ESRRB: variants seen among roughly 807,000 people sequenced by gnomAD.
ESRRB encodes the protein steroid hormone receptor ERR2.
Under a neutral mutation model 46.0 loss-of-function variants are expected in ESRRB, and 16 were observed. That is an observed-to-expected ratio of 0.35 (90% CI 0.24 to 0.53). ESRRB has a LOEUF of 0.53. ESRRB is among the 20% of genes least tolerant of loss of function. The pLI, the probability that ESRRB is intolerant of heterozygous loss-of-function variation, is 0.93. For missense variants in ESRRB, 488 were observed against 607.4 expected, an observed-to-expected ratio of 0.80 and a Z score of 2.07; for synonymous variants, 246 against 259.6, an observed-to-expected ratio of 0.95 and a Z score of 0.50.
chr14:76,330,183 T>C (rs1883995916), intron 1 of ESRRB, among the ~76,000 whole-genome samples: 1 of 151,996 alleles, frequency 6.6e-6, no homozygotes, highest in South Asian at 2.1e-4. Flanking sequence ...CTCTGGGATC[T>C]AGGAAGCAGG....
chr14:76,325,213 C>T (rs1057142897), intron 1 of ESRRB, among the ~76,000 whole-genome samples: 2 of 152,166 alleles, frequency 1.3e-5, no homozygotes, highest in Admixed American at 6.5e-5. Context: ...ACCTTGGCCT[C>T]CCAAAGTGCT....
intron 6 of ESRRB, among the ~76,000 whole-genome samples, chr14:76,496,712 G>T (rs1890444725): frequency 6.6e-6 from 1 of 152,172 alleles, no homozygotes; most frequent in Non-Finnish European, 1.5e-5. Flanking sequence ...GGGCGACCAT[G>T]GGTGCCACTG....
chr14:76,323,151 A>G (rs1224315537), intron 1 of ESRRB, among the ~76,000 whole-genome samples: 1 of 152,098 alleles, frequency 6.6e-6, no homozygotes, highest in Non-Finnish European at 1.5e-5. Context: ...TCTATGCCAC[A>G]GTGTCACATT....
At chr14:76,361,092 T>C (rs118040450) in intron 1 of ESRRB, among the ~76,000 whole-genome samples, 1 of 152,336 alleles carries the variant, frequency 6.6e-6, no homozygotes, top group East Asian at 1.9e-4. Flanking sequence ...CTTTCTCACA[T>C]TGCTGGTGGT....
intron 1 of ESRRB, among the ~76,000 whole-genome samples, chr14:76,403,354 C>G (rs571672398): frequency 6.6e-6 from 1 of 152,294 alleles, no homozygotes; most frequent in African/African-American, 2.4e-5. Context: ...GCTGGGAAAT[C>G]TATAGGCAAA....
At chr14:76,424,204 A>G (rs1887099631) in intron 1 of ESRRB, among the ~76,000 whole-genome samples, 1 of 152,142 alleles carries the variant, frequency 6.6e-6, no homozygotes, top group African/African-American at 2.4e-5. Flanking sequence ...AGCCCTCCAT[A>G]TGTGAGCACT....
At chr14:76,463,983 A>T (rs914904185) in intron 3 of ESRRB, among the ~76,000 whole-genome samples, 1 of 152,156 alleles carries the variant, frequency 6.6e-6, no homozygotes, top group African/African-American at 2.4e-5. Flanking sequence ...GATTACAGGC[A>T]TGAGCCACTA....
At chr14:76,333,638 A>G (rs1884091227) in intron 1 of ESRRB, among the ~76,000 whole-genome samples, 1 of 150,562 alleles carries the variant, frequency 6.6e-6, no homozygotes, top group African/African-American at 2.4e-5. Context: ...ACATTTTTTT[A>G]AGTCAAAAGA....
intron 2 of ESRRB, among the ~76,000 whole-genome samples, chr14:76,452,261 G>A (rs1282522884): frequency 1.3e-5 from 2 of 152,030 alleles, no homozygotes; most frequent in African/African-American, 4.8e-5. Context: ...TTTTAACAGT[G>A]CAGTTAGGGC....
intron 3 of ESRRB, among the ~76,000 whole-genome samples, chr14:76,469,952 T>C (rs1322860035): frequency 2.2e-5 from 3 of 134,878 alleles, no homozygotes; most frequent in East Asian, 2.0e-4. Flanking sequence ...TTCTTTTTTT[T>C]TTTTTTTTTT....
chr14:76,336,012 A>G (rs1670966609), intron 1 of ESRRB, among the ~76,000 whole-genome samples: 1 of 152,246 alleles, frequency 6.6e-6, no homozygotes, highest in African/African-American at 2.4e-5. Context: ...TGCACAGCAA[A>G]TAACGGGCAG....
chr14:76,329,371 C>G (rs977182803), intron 1 of ESRRB, among the ~76,000 whole-genome samples: 5 of 152,170 alleles, frequency 3.3e-5, no homozygotes, highest in African/African-American at 1.2e-4. Context: ...CCATTCCCGT[C>G]CCTCTGCAGG....
Position 76,439,668 on chromosome 14 carries a change from G to C in ESRRB, c.378G>C (p.Val126=). The C allele has an allele frequency of 1.2e-6, 2 of 1,614,250 alleles. No homozygotes were observed. The highest frequency in any genetic ancestry group is 1.7e-6 in the Non-Finnish European group (2 of 1,180,044). Residue 126 remains valine, a synonymous_variant, in exon 2 of 7, where the codon GTG becomes GTC. Transcript: ENST00000644823. ...CCATCCCCAAGCGCCTGTGCCTCGT[G>C]TGCGGGGACATTGCCTCTGGCTACC... ...LNAIPKRLCL[V]CGDIASGYHY... is the part of the protein sequence containing the mutation.
intron 2 of ESRRB, among the ~76,000 whole-genome samples, chr14:76,440,660 C>T (rs1887883407): frequency 6.7e-6 from 1 of 148,928 alleles, no homozygotes; most frequent in Admixed American, 6.7e-5. Flanking sequence ...TATTTTCTTT[C>T]CTTCCTTCCT....
At chr14:76,336,732 TACCCACTCTTC>T (rs1884130967) in intron 1 of ESRRB, among the ~76,000 whole-genome samples, 1 of 152,178 alleles carries the variant, frequency 6.6e-6, no homozygotes, top group Non-Finnish European at 1.5e-5. Flanking sequence ...TGGGGGGCGA[TACCCACTCTTC>T]ACTCACTCAC....
chr14:76,405,531 A>G (rs955098902), intron 1 of ESRRB, among the ~76,000 whole-genome samples: 3 of 152,178 alleles, frequency 2.0e-5, no homozygotes, highest in Admixed American at 2.0e-4. Context: ...ATTTAAGTCC[A>G]TGAGCATGAT....
chr14:76,392,253 C>T (rs1211088525), intron 1 of ESRRB, among the ~76,000 whole-genome samples: 1 of 152,166 alleles, frequency 6.6e-6, no homozygotes, highest in Admixed American at 6.6e-5. Flanking sequence ...ATGAGTAAGC[C>T]AGCAGCCCTG....
At chr14:76,416,414 GC>G (rs1187289008) in intron 1 of ESRRB, among the ~76,000 whole-genome samples, 1 of 150,852 alleles carries the variant, frequency 6.6e-6, no homozygotes, top group Non-Finnish European at 1.5e-5. Context: ...ATGAACCTGC[GC>G]CCCGCCTCTA....
chr14:76,394,972 G>A (rs540777929), intron 1 of ESRRB, among the ~76,000 whole-genome samples: 19 of 152,318 alleles, frequency 1.2e-4, no homozygotes, highest in African/African-American at 3.4e-4. Flanking sequence ...TGAGCTGGCC[G>A]TCTGGGCGAG....
Sources: allele counts gnomAD v4.1 joint callset (sites outside exome capture counted in the v4.1 genomes callset), GRCh38; gene constraint gnomAD v4.1.1; transcripts MANE v1.5; gene names NCBI Gene and HGNC (gene_info 2026-07-23, HGNC 2026-07-21).